Variants in SCUBE1 observed in about 807,000 individuals in gnomAD.
SCUBE1 encodes signal peptide, CUB and EGF-like domain-containing protein 1.
A neutral mutation model predicts 124.4 loss-of-function variants in SCUBE1; 59 were observed. That is an observed-to-expected ratio of 0.47 (90% CI 0.38 to 0.59). SCUBE1 has a LOEUF of 0.59. SCUBE1 is among the 20% of genes least tolerant of loss of function. SCUBE1 has a pLI of 0.00. For missense variants in SCUBE1, 1,150 were observed against 1,371.2 expected, an observed-to-expected ratio of 0.84 and a Z score of 2.55; for synonymous variants, 545 against 550.9, an observed-to-expected ratio of 0.99 and a Z score of 0.15.
chr22:43,294,863 G>A (rs914090965), intron 3 of SCUBE1, among the ~76,000 whole-genome samples: 7 of 152,164 alleles, frequency 4.6e-5, no homozygotes, highest in Non-Finnish European at 8.8e-5. Flanking sequence ...GAGGCTGGGC[G>A]GGGTTGCCAG....
In SCUBE1 at chr22:43,339,286, A is replaced by T. The variant is rs544485026; in HGVS notation, c.89-51T>A. The T allele has an allele frequency of 1.9e-6, 3 of 1,590,306 alleles. No individual in the cohort carries two copies. The Admixed American group carries it at 5.1e-5, about 27-fold the overall frequency. The stretch of plus-strand genomic sequence containing the variant: ...AAGAGGTAAGGTGTGGCCCCAGGGC[A>T]GGTGGCCGATAGTGTAGGGCAGGGG... On this transcript the variant is annotated intron_variant, in intron 1 of 21. Coordinates refer to ENST00000360835, the MANE Select transcript of SCUBE1 (RefSeq NM_173050.5).
intron 3 of SCUBE1, chr22:43,316,954 T>A (rs1926369250): frequency 6.6e-6 from 1 of 152,090 alleles, no homozygotes; most frequent in South Asian, 2.1e-4. Context: ...AACACCCCAT[T>A]AAGAGGGAAA....
rs555644301 is a variant in SCUBE1 at position 43,259,972 on chromosome 22, G to A, written c.611-1637C>T. Among the ~76,000 whole-genome samples the A allele has an allele frequency of 3.3e-5, 5 of 152,308 alleles. No individual in the cohort carries two copies. In the South Asian group the frequency reaches 1.0e-3, roughly 32 times the overall value. On this transcript the variant is annotated intron_variant, in intron 5 of 21. Coordinates refer to ENST00000360835, the MANE Select transcript of SCUBE1 (RefSeq NM_173050.5). ...CATCTCTCAACAGCTCACCTCAACGGCCAGGAAGGAACCCAGGGAAGCCAG... is the reference window on the plus strand; with the variant it reads ...CATCTCTCAACAGCTCACCTCAACGACCAGGAAGGAACCCAGGGAAGCCAG...
intron 15 of SCUBE1, among the ~76,000 whole-genome samples, chr22:43,216,637 C>T (rs1282211585): frequency 2.6e-5 from 4 of 151,814 alleles, no homozygotes; most frequent in Non-Finnish European, 5.9e-5. Context: ...GGCTACAGAG[C>T]GAGACTCTGT....
intron 2 of SCUBE1, among the ~76,000 whole-genome samples, chr22:43,333,214 G>A (rs560245295): frequency 2.0e-5 from 3 of 152,310 alleles, no homozygotes; most frequent in African/African-American, 7.2e-5. Flanking sequence ...TTTGCCTCAA[G>A]GCACTTCAGA....
chr22:43,221,245 G>T lies in SCUBE1; in HGVS notation c.1477C>A (p.Arg493=). The change falls in exon 13 of 22, where the codon CGA becomes AGA. Residue 493 remains arginine (R), a synonymous_variant. Transcript: ENST00000360835. ...PIKQKARFKI[R]DAKCHLRPHS... The stretch of plus-strand genomic sequence containing the variant: ...GGCCGGAGGTGGCACTTGGCATCTC[G>T]GATCTTGAAGCGGGCCTTCTGTTTG... 1 of 1,611,844 alleles carries T rather than the reference G, an allele frequency of 6.2e-7. No individual in the cohort carries two copies.
chr22:43,207,995 G>C, intron 20 of SCUBE1, 77 bp downstream of exon 20: 2 of 1,518,506 alleles, frequency 1.3e-6, no homozygotes, highest in Middle Eastern at 3.4e-4. Flanking sequence ...TGAGGGCGGG[G>C]ACGTGCGACT....
chr22:43,276,358 G>A (rs1569006999), intron 4 of SCUBE1, among the ~76,000 whole-genome samples: 1 of 152,184 alleles, frequency 6.6e-6, no homozygotes, highest in African/African-American at 2.4e-5. Context: ...CCCATGGGAC[G>A]TACATGCTGA....
chr22:43,339,776 T>TCC (rs1477891592), intron 1 of SCUBE1, among the ~76,000 whole-genome samples: 1 of 21,758 alleles, frequency 4.6e-5, no homozygotes, highest in African/African-American at 2.0e-4. Flanking sequence ...CCTCATTCTA[T>TCC]CCCCCCACAA....
chr22:43,227,625 A>C (rs1922378339), intron 9 of SCUBE1, 129 bp from the exon 10 acceptor site: 6 of 1,196,362 alleles, frequency 5.0e-6, no homozygotes, highest in Non-Finnish European at 7.1e-6. Context: ...CACGGGATGC[A>C]GATGAGCAGT....
At chr22:43,278,498 C>T (rs113107763) in intron 4 of SCUBE1, among the ~76,000 whole-genome samples, 5 of 152,298 alleles carry the variant, frequency 3.3e-5, no homozygotes, top group African/African-American at 9.6e-5. Flanking sequence ...CTGCAGGAGC[C>T]GTGCTAGGGC....
At chr22:43,290,131 C>T (rs1925301828) in intron 4 of SCUBE1, among the ~76,000 whole-genome samples, 1 of 152,210 alleles carries the variant, frequency 6.6e-6, no homozygotes, top group South Asian at 2.1e-4. Context: ...GGTACACAGC[C>T]CTGCCTCAGA....
intron 2 of SCUBE1, among the ~76,000 whole-genome samples, chr22:43,324,667 G>A (rs1051448773): frequency 5.3e-5 from 8 of 151,954 alleles, no homozygotes; most frequent in African/African-American, 1.7e-4. Context: ...AGGAGTCGCC[G>A]CCCCTGGAAG....
At chr22:43,279,529 CAG>C (rs763561260) in intron 4 of SCUBE1, among the ~76,000 whole-genome samples, 2 of 152,242 alleles carry the variant, frequency 1.3e-5, no homozygotes, top group Non-Finnish European at 2.9e-5. Flanking sequence ...GTGAATCTGC[CAG>C]AGTCTTGATC....
At chr22:43,252,954 C>T (rs1259692238) in intron 6 of SCUBE1, among the ~76,000 whole-genome samples, 3 of 145,456 alleles carry the variant, frequency 2.1e-5, no homozygotes, top group Non-Finnish European at 4.5e-5. Context: ...CACCTCCCTA[C>T]CTAACTCTAT....
intron 3 of SCUBE1, among the ~76,000 whole-genome samples, chr22:43,297,516 T>C (rs962191252): frequency 1.2e-4 from 19 of 152,260 alleles, no homozygotes; most frequent in African/African-American, 4.6e-4. Flanking sequence ...CTCCACCTGC[T>C]GCCAGCCACT....
intron 21 of SCUBE1, among the ~76,000 whole-genome samples, chr22:43,206,076 C>T (rs116144096): frequency 0.022 from 2,998 of 137,270 alleles, 78 homozygotes; most frequent in South Asian, 0.028. Flanking sequence ...TCACCTCCAT[C>T]GACCATACAC....
In SCUBE1 at chr22:43,284,957, C is replaced by T. The variant is rs142392215; in HGVS notation, c.484+6089G>A. Among the ~76,000 whole-genome samples the T allele has an allele frequency of 3.5e-3, 529 of 152,186 alleles. 1 individual carries two copies. Among genetic ancestry groups the T allele is most frequent in the African/African-American group, 0.012 (495 of 41,520 alleles). ...GAATGCCTGTGGAGGGAGGGCAATGCGGTTTCCTACACGTATTTATGCACG... is the reference window on the plus strand; with the variant it reads ...GAATGCCTGTGGAGGGAGGGCAATGTGGTTTCCTACACGTATTTATGCACG... On this transcript the variant is annotated intron_variant, in intron 4 of 21. Transcript: ENST00000360835.
chr22:43,299,761 G>T (rs1037430894), intron 3 of SCUBE1, among the ~76,000 whole-genome samples: 9 of 152,116 alleles, frequency 5.9e-5, no homozygotes, highest in African/African-American at 2.2e-4. Flanking sequence ...CCAGAAAGAG[G>T]ACCTGTGCCC....
Sources: gnomAD v4.1 joint callset for allele counts (sites outside exome capture counted in the v4.1 genomes callset) on GRCh38, gnomAD v4.1.1 for gene constraint, MANE v1.5 for transcripts, NCBI Gene and HGNC (gene_info 2026-07-23, HGNC 2026-07-21) for gene names.